The following DOK7 variants were observed in gnomAD, a reference collection of about 807,000 sequenced individuals.
The protein encoded by DOK7 is docking protein 7.
Under a neutral mutation model 30.7 loss-of-function variants are expected in DOK7, and 32 were observed. The ratio of observed to expected loss-of-function variants is 1.04; its 90% confidence interval spans 0.79 to 1.40. The LOEUF (loss-of-function observed/expected upper bound fraction) is 1.40, where lower values mean the gene tolerates loss of function less well. DOK7 is among the 40% of genes most tolerant of loss of function. The pLI is 0.00. For synonymous variants in DOK7, 447 were observed against 324.1 expected (o/e 1.38, Z -4.07); for missense variants, 1,007 against 699.2 (o/e 1.44, Z -4.97).
In DOK7 at chr4:3,485,574, G is replaced by C. The variant is rs768234883; in HGVS notation, c.568G>C (p.Glu190Gln). ...GVFFLSSAEG[E>Q]QISFLFDCIV... ...CTTCTTCCTGTCCTCGGCCGAGGGG[G>C]AGCAGATCAGCTTCCTGTTCGACTG... is the stretch of plus-strand genomic sequence containing the variant. Residue 190 changes from glutamate to glutamine, a missense_variant, in exon 5 of 7, where the codon GAG (glutamate) becomes CAG (glutamine). Transcript: ENST00000340083. The C allele has an allele frequency of 6.2e-7, 1 of 1,607,768 alleles. No individual in the cohort carries two copies. The highest frequency in any genetic ancestry group is 1.1e-5 in the South Asian group (1 of 90,242).
chr4:3,500,562 G>A lies in DOK7; in HGVS notation c.1262-130G>A. 6 of 1,493,598 alleles carry A rather than the reference G, an allele frequency of 4.0e-6. No homozygotes were observed. The South Asian group carries it at 6.3e-5, about 16-fold the overall frequency. 92.5% of individuals were successfully genotyped at this position (1,493,598 alleles called of 1,614,324 possible). A position where few individuals can be genotyped will look rare whatever the true frequency, so the allele number is the denominator to read the frequency against. On this transcript the variant is annotated intron_variant, in intron 7 of 7. Transcript: ENST00000643608. The stretch of plus-strand genomic sequence containing the variant: ...TGTCCCCAACTCCATCCCTGGCCAG[G>A]CCACATCCCCTGAGGGTGTCCCCAC...
In DOK7 at chr4:3,477,037, G is replaced by A. The variant is rs536784472; in HGVS notation, c.532+495G>A. Among the ~76,000 whole-genome samples, 9 of 152,236 alleles carry A rather than the reference G, an allele frequency of 5.9e-5. No individual in the cohort carries two copies. The East Asian group carries it at 1.5e-3, about 26-fold the overall frequency. ...GCCAGGCCGTGGGTGGGGATGGCCT[G>A]AGTCCTCTGGGCCTGTGAAGGCCTG... On this transcript the variant is annotated intron_variant, in intron 4 of 6. Coordinates refer to ENST00000340083, the MANE Select transcript of DOK7 (RefSeq NM_173660.5).
Position 3,489,701 on chromosome 4 carries a change from C to A in DOK7, c.677C>A (p.Thr226Asn). The A allele has an allele frequency of 6.4e-7, 1 of 1,564,594 alleles. No homozygotes were observed. The highest frequency in any genetic ancestry group is 8.7e-7 in the Non-Finnish European group (1 of 1,154,738). ...LPDPSPPGPS[T>N]VEERVAQEAL... ...GACCCAAGTCCCCCGGGACCCTCGA[C>A]TGTGGAGGAGCGTGTGGCCCAGGAA... is the stretch of plus-strand genomic sequence containing the variant. The change falls in exon 6 of 7, where the codon ACT (threonine) becomes AAT (asparagine). Residue 226 changes from threonine to asparagine, a missense_variant. Transcript: ENST00000340083.
In DOK7 at chr4:3,485,655, C is replaced by T. The variant is rs1301546614; in HGVS notation, c.649C>T (p.Pro217Ser). Reference protein sequence around the residue: ...KGPFGLRPVLPDPSPPGPSTV... With the variant: ...KGPFGLRPVLSDPSPPGPSTV... ...CCCCTTTGGGCTGCGGCCGGTTCTA[C>T]CAGGTGCGTGTGGGAGCCTGGCCGG... is the stretch of plus-strand genomic sequence containing the variant. Residue 217 changes from proline (P) to serine (S), a missense_variant, in exon 5 of 7, where the codon CCA (proline) becomes TCA (serine). Pro to Ser is a moderately conservative substitution (Grantham distance 74). Transcript: ENST00000340083. 1.9e-6 allele frequency: 3 copies of T among 1,587,948 alleles called. No individual in the cohort carries two copies. The Admixed American group carries it at 5.2e-5, about 27-fold the overall frequency.
intron 5 of DOK7, among the ~76,000 whole-genome samples, chr4:3,487,292 G>A (rs562628226): frequency 4.3e-4 from 65 of 152,338 alleles, no homozygotes; most frequent in African/African-American, 1.4e-3. Context: ...CCCAGCCCCC[G>A]CAGGCTGGAC....
chr4:3,496,978 C>G (rs1222325777), downstream of DOK7: 1 of 876,682 alleles, frequency 1.1e-6, no homozygotes, highest in African/African-American at 1.7e-5. Flanking sequence ...GGGGGGCCCA[C>G]TGCCAGCAGG....
intron 2 of DOK7, among the ~76,000 whole-genome samples, chr4:3,469,614 C>A (rs369432367): frequency 2.0e-5 from 3 of 152,236 alleles, no homozygotes; most frequent in East Asian, 3.9e-4. Flanking sequence ...GCCATCCACT[C>A]CTGAGTCCCC....
At chr4:3,478,632 T>G (rs1727263825) in intron 4 of DOK7, among the ~76,000 whole-genome samples, 1 of 90,252 alleles carries the variant, frequency 1.1e-5, no homozygotes, top group South Asian at 3.9e-4. Context: ...AGCTCAGTGC[T>G]GAATGTTCTC....
intron 2 of DOK7, among the ~76,000 whole-genome samples, chr4:3,465,931 G>C (rs28532795): frequency 0.031 from 4,783 of 152,296 alleles, 104 homozygotes; most frequent in Middle Eastern, 0.068. Context: ...TTCCTCCCAG[G>C]TGCGGGGGCT....
Position 3,494,258 on chromosome 4 carries a change from T to C in DOK7, c.*757T>C. On this transcript the variant is annotated 3_prime_UTR_variant, in exon 7 of 7. Coordinates refer to ENST00000340083, the MANE Select transcript of DOK7 (RefSeq NM_173660.5). The stretch of plus-strand genomic sequence containing the variant: ...CTCCTCGCAGGGCCAAAGGCTGGCT[T>C]GGCCTGTGTTTCCCCTGGCCCAGGC... 18 of 985,500 alleles carry C rather than the reference T, an allele frequency of 1.8e-5. No homozygotes were observed. The highest frequency in any genetic ancestry group is 2.2e-5 in the Non-Finnish European group (18 of 829,978). 61.0% of individuals were successfully genotyped at this position (985,500 alleles called of 1,614,324 possible). A position where few individuals can be genotyped will look rare whatever the true frequency, so the allele number is the denominator to read the frequency against.
Position 3,493,804 on chromosome 4 carries a change from T to A in DOK7, c.*303T>A. On this transcript the variant is annotated 3_prime_UTR_variant, in exon 7 of 7. Transcript: ENST00000340083. ...CTGAGGATCAGGTGAGTGCTGCACC[T>A]CTGTTGGCTCGTGCCTTGCACTGGG... is the stretch of plus-strand genomic sequence containing the variant. The A allele has an allele frequency of 7.7e-7, 1 of 1,300,460 alleles. No individual in the cohort carries two copies. The highest frequency in any genetic ancestry group is 1.5e-5 in the African/African-American group (1 of 65,684). 80.6% of individuals were successfully genotyped at this position (1,300,460 alleles called of 1,614,324 possible). A position where few individuals can be genotyped will look rare whatever the true frequency, so the allele number is the denominator to read the frequency against.
intron 5 of DOK7, among the ~76,000 whole-genome samples, chr4:3,487,576 C>G (rs1452784872): frequency 1.3e-5 from 2 of 152,210 alleles, no homozygotes; most frequent in African/African-American, 4.8e-5. Context: ...GTCTGGGGTC[C>G]ACCATGCTCC....
chr4:3,469,137 GTGTA>G (rs1213795973), intron 2 of DOK7, among the ~76,000 whole-genome samples: 183 of 150,508 alleles, frequency 1.2e-3, no homozygotes, highest in East Asian at 5.1e-3. Flanking sequence ...GTGTGTGTGC[GTGTA>G]TGTGTCTGTG....
At chr4:3,464,956 G>A (rs547162662) in intron 2 of DOK7, among the ~76,000 whole-genome samples, 7 of 152,300 alleles carry the variant, frequency 4.6e-5, no homozygotes, top group Admixed American at 3.3e-4. Context: ...GGGTTATCCC[G>A]TATCCTGCGC....
intron 6 of DOK7, 52 bp downstream of exon 6, chr4:3,489,848 GGA>G: frequency 6.5e-7 from 1 of 1,547,412 alleles, no homozygotes; most frequent in East Asian, 2.4e-5. Context: ...GCCTCCAGCA[GGA>G]GAGCTCAGGA....
rs750262940 is a variant in DOK7, at chr4:3,493,489, C to T, written c.1503C>T (p.Asn501=). 6 of 1,610,898 alleles carry T rather than the reference C, an allele frequency of 3.7e-6. No individual in the cohort carries two copies. The highest frequency in any genetic ancestry group is 2.2e-5 in the South Asian group (2 of 90,786). Residue 501 remains asparagine (N), a synonymous_variant, in exon 7 of 7, where the codon AAC becomes AAT. Transcript: ENST00000340083. The part of the protein sequence containing the change: ...ACPVCGGLKV[N]PPP ...CAGTCTGTGGAGGACTCAAGGTAAACCCCCCTCCTTGAGAGCCGCAGATCC... is the reference window on the plus strand; with the variant it reads ...CAGTCTGTGGAGGACTCAAGGTAAATCCCCCTCCTTGAGAGCCGCAGATCC...
chr4:3,468,211 T>C lies in DOK7; in HGVS notation c.100+4660T>C, dbSNP rs980647001. On this transcript the variant is annotated intron_variant, in intron 2 of 6. Transcript: ENST00000340083. ...GGGTGTGTGTGCACAAGTGTGTGTG[T>C]GTGCATGTGAATACCTGTGTGGGGG... Among the ~76,000 whole-genome samples, 3 of 148,698 alleles carry C rather than the reference T, an allele frequency of 2.0e-5. 1 individual carries two copies. Among genetic ancestry groups the C allele is most frequent in the African/African-American group, 7.8e-5 (3 of 38,350 alleles).
chr4:3,480,022 G>A (rs1727348540), intron 4 of DOK7, among the ~76,000 whole-genome samples: 2 of 152,238 alleles, frequency 1.3e-5, no homozygotes, highest in African/African-American at 4.8e-5. Flanking sequence ...GCGTGGTGGA[G>A]AGTGATGCAG....
chr4:3,486,038 GC>G (rs1727765322), intron 5 of DOK7, among the ~76,000 whole-genome samples: 1 of 152,254 alleles, frequency 6.6e-6, no homozygotes, highest in African/African-American at 2.4e-5. Context: ...GAGCTCGGTG[GC>G]CCGGGGGCAG....
Sources: gnomAD v4.1 joint callset for allele counts (sites outside exome capture counted in the v4.1 genomes callset) on GRCh38, gnomAD v4.1.1 for gene constraint, MANE v1.5 for transcripts, NCBI Gene and HGNC (gene_info 2026-07-23, HGNC 2026-07-21) for gene names.